The following MMP26 variants were observed in gnomAD, a reference collection of about 807,000 sequenced individuals.
MMP26 encodes the protein matrix metalloproteinase-26.
In MMP26, 33 loss-of-function variants were observed where a neutral mutation model predicts 31.0. The observed-to-expected ratio is 1.06, with a 90% CI of 0.81 to 1.42. The LOEUF is 1.42. Ranked by LOEUF, MMP26 falls within the 40% of genes most tolerant of loss-of-function variation. The pLI, the probability that MMP26 is intolerant of heterozygous loss-of-function variation, is 0.00. For synonymous variants in MMP26, 122 were observed against 114.9 expected (o/e 1.06, Z -0.40); for missense variants, 347 against 316.1 (o/e 1.10, Z -0.74).
At chr11:4,801,936 C>T (rs888994633) in intron 2 of MMP26, among the ~76,000 whole-genome samples, 1 of 152,130 alleles carries the variant, frequency 6.6e-6, no homozygotes, top group Non-Finnish European at 1.5e-5. Flanking sequence ...AAGGATCTGT[C>T]CCCATGATCC....
At chr11:4,856,247 A>G (rs1035949427) in intron 2 of MMP26, among the ~76,000 whole-genome samples, 2 of 152,242 alleles carry the variant, frequency 1.3e-5, no homozygotes, top group African/African-American at 4.8e-5. Context: ...TAGATGGGCT[A>G]AATGTTCCAA....
intron 2 of MMP26, among the ~76,000 whole-genome samples, chr11:4,986,958 T>TCTCTCTCTCTCC (rs1846908514): frequency 1.4e-5 from 2 of 140,658 alleles, no homozygotes; most frequent in Non-Finnish European, 3.1e-5. Flanking sequence ...TCTCTCTCTC[T>TCTCTCTCTCTCC]CCCTCTCTCT....
intron 2 of MMP26, among the ~76,000 whole-genome samples, chr11:4,792,990 A>T (rs569816729): frequency 9.8e-5 from 15 of 152,314 alleles, no homozygotes; most frequent in Non-Finnish European, 1.8e-4. Flanking sequence ...AATTAGAGTG[A>T]TTATCTCAAG....
At chr11:4,716,554 G>A (rs1299629579) in intron 1 of MMP26, among the ~76,000 whole-genome samples, 2 of 150,236 alleles carry the variant, frequency 1.3e-5, no homozygotes, top group East Asian at 2.0e-4. Context: ...TTAGATTGAG[G>A]GATAAATTGC....
chr11:4,895,576 A>G (rs1441256519), intron 2 of MMP26, among the ~76,000 whole-genome samples: 1 of 152,212 alleles, frequency 6.6e-6, no homozygotes, highest in Non-Finnish European at 1.5e-5. Flanking sequence ...GATTTCTGAG[A>G]TGAACAATAG....
At chr11:4,893,517 GT>G (rs1850658514) in intron 2 of MMP26, among the ~76,000 whole-genome samples, 1 of 152,044 alleles carries the variant, frequency 6.6e-6, no homozygotes, top group African/African-American at 2.4e-5. Context: ...CAAAAGTCAT[GT>G]CCTCAGAAAG....
intron 2 of MMP26, among the ~76,000 whole-genome samples, chr11:4,928,715 T>G (rs1216577251): frequency 6.6e-6 from 1 of 152,144 alleles, no homozygotes; most frequent in East Asian, 1.9e-4. Flanking sequence ...GGTTGCTAGA[T>G]CTCCTCTTTG....
At chr11:4,708,778 T>C (rs1847817473) in intron 1 of MMP26, among the ~76,000 whole-genome samples, 1 of 148,488 alleles carries the variant, frequency 6.7e-6, no homozygotes, top group South Asian at 2.1e-4. Context: ...AAATGGAAAA[T>C]CAAGAAACTT....
intron 2 of MMP26, among the ~76,000 whole-genome samples, chr11:4,874,093 A>C (rs1006749668): frequency 6.6e-6 from 1 of 152,064 alleles, no homozygotes; most frequent in African/African-American, 2.4e-5. Context: ...CTGCAGCTCC[A>C]ATTGTTGAAG....
chr11:4,989,968 T>C (rs1846972580), intron 4 of MMP26, 100 bp downstream of exon 4: 3 of 954,346 alleles, frequency 3.1e-6, no homozygotes, highest in South Asian at 1.6e-5. Context: ...TCTTCTGCTT[T>C]CATTGGCAGC....
chr11:4,857,155 TA>T (rs1850065855), intron 2 of MMP26, among the ~76,000 whole-genome samples: 1 of 151,246 alleles, frequency 6.6e-6, no homozygotes. Flanking sequence ...ACATCACAAT[TA>T]AAAGAACTAG....
At chr11:4,965,400 G>A (rs1182050631) in intron 2 of MMP26, among the ~76,000 whole-genome samples, 1 of 152,116 alleles carries the variant, frequency 6.6e-6, no homozygotes, top group Non-Finnish European at 1.5e-5. Context: ...TTCTAGATTA[G>A]GTACAGATAT....
At chr11:4,877,167 G>A (rs1332073234) in intron 2 of MMP26, 1 of 152,140 alleles carries the variant, frequency 6.6e-6, no homozygotes, top group Non-Finnish European at 1.5e-5. Flanking sequence ...TGGCCTGTTG[G>A]CTGTGATCTT....
chr11:4,943,028 A>C (rs1217911576), intron 2 of MMP26: 1 of 153,502 alleles, frequency 6.5e-6, no homozygotes, highest in East Asian at 1.9e-4. Context: ...TGTAACTCCT[A>C]TATCATACAG....
At chr11:4,824,307 C>T (rs944386529) in intron 2 of MMP26, among the ~76,000 whole-genome samples, 2 of 152,194 alleles carry the variant, frequency 1.3e-5, no homozygotes, top group Admixed American at 1.3e-4. Flanking sequence ...TAGCTCGTCT[C>T]CAGGAAGACT....
At chr11:4,744,096 A>C (rs936579467) in intron 1 of MMP26, among the ~76,000 whole-genome samples, 1 of 152,056 alleles carries the variant, frequency 6.6e-6, no homozygotes, top group South Asian at 2.1e-4. Context: ...CACCGTGCCT[A>C]GCAGGACTAT....
At chr11:4,840,521 G>A (rs944171488) in intron 2 of MMP26, among the ~76,000 whole-genome samples, 6 of 152,224 alleles carry the variant, frequency 3.9e-5, no homozygotes, top group Non-Finnish European at 8.8e-5. Context: ...GGAAGAGAAC[G>A]AGAGTCTCTG....
intron 2 of MMP26, among the ~76,000 whole-genome samples, chr11:4,878,775 C>G (rs1850419160): frequency 6.6e-6 from 1 of 152,116 alleles, no homozygotes; most frequent in South Asian, 2.1e-4. Flanking sequence ...CTCATCTTCA[C>G]TGATAGGAAC....
chr11:4,903,350 A>G (rs1379584262), intron 2 of MMP26, among the ~76,000 whole-genome samples: 3 of 152,242 alleles, frequency 2.0e-5, no homozygotes, highest in Admixed American at 2.0e-4. Context: ...AAACCATTTT[A>G]TAGTTTGTAA....
Sources: allele counts gnomAD v4.1 joint callset (sites outside exome capture counted in the v4.1 genomes callset), GRCh38; gene constraint gnomAD v4.1.1; transcripts MANE v1.5; gene names NCBI Gene and HGNC (gene_info 2026-07-23, HGNC 2026-07-21).